The following CLEC12A variants were observed in gnomAD, a reference collection of about 807,000 sequenced individuals.
CLEC12A encodes C-type lectin protein CLL-1.
A neutral mutation model predicts 26.5 loss-of-function variants in CLEC12A; 22 were observed. The observed-to-expected ratio is 0.83, with a 90% CI of 0.59 to 1.19. The LOEUF (loss-of-function observed/expected upper bound fraction) is 1.19, where lower values mean the gene tolerates loss of function less well. CLEC12A is among the 50% of genes most tolerant of loss of function. The probability of loss-of-function intolerance (pLI) is 0.00; values close to 1 mark genes in which losing one functional copy is unlikely to be tolerated. For missense variants in CLEC12A, 353 were observed against 315.6 expected (o/e 1.12, Z -0.90); for synonymous variants, 119 against 101.9 (o/e 1.17, Z -1.01).
intron 5 of CLEC12A, chr12:9,983,745 G>T: frequency 2.1e-6 from 1 of 471,012 alleles, no homozygotes; most frequent in Non-Finnish European, 3.8e-6. Context: ...TGTTTTGTTT[G>T]TTTGCTTTTT....
chr12:9,967,392 T>A (rs756190530), upstream of CLEC12A, among the ~76,000 whole-genome samples: 9 of 152,238 alleles, frequency 5.9e-5, no homozygotes, highest in Middle Eastern at 3.4e-3. Context: ...AAAGTGACAT[T>A]TTCTGGCTAT....
chr12:9,995,208 G>C, exon 5 of CLEC12A: 3 of 1,612,932 alleles, frequency 1.9e-6, no homozygotes, highest in African/African-American at 1.3e-5. Context: ...GAGATAATCC[G>C]ACCCAACGAA....
At chr12:9,969,111 G>A (rs573331291), upstream of CLEC12A, among the ~76,000 whole-genome samples, 105 of 152,242 alleles carry the variant, frequency 6.9e-4, no homozygotes, top group Non-Finnish European at 1.2e-3. Flanking sequence ...GGTGGTGGGG[G>A]ATAAAGATAA....
the CLEC12A span, among the ~76,000 whole-genome samples, chr12:10,005,972 G>A: frequency 6.6e-6 from 1 of 152,084 alleles, no homozygotes; most frequent in Admixed American, 6.5e-5. Context: ...CATGAAATGT[G>A]AGAACAGAAA....
chr12:9,993,809 C>A (rs1864959371), intron 4 of CLEC12A, among the ~76,000 whole-genome samples: 1 of 152,092 alleles, frequency 6.6e-6, no homozygotes. Flanking sequence ...AGTTATATTT[C>A]TTTCTTTCTA....
At chr12:9,968,892 A>G (rs1232996034), upstream of CLEC12A, among the ~76,000 whole-genome samples, 2 of 152,228 alleles carry the variant, frequency 1.3e-5, no homozygotes, top group Non-Finnish European at 2.9e-5. Flanking sequence ...TATAGTATAT[A>G]TACACAATGG....
At chr12:9,999,256 T>C (rs140809818), downstream of CLEC12A, 71 of 519,272 alleles carry the variant, frequency 1.4e-4, no homozygotes, top group East Asian at 2.1e-3. Context: ...CTTTGCTTAT[T>C]GTTTTCCAGG....
In CLEC12A at chr12:9,979,337, T is replaced by G. The variant is rs1864459763; in HGVS notation, c.192T>G (p.Phe64Leu). 6.3e-7 allele frequency: 1 copy of G among 1,579,154 alleles called. No individual in the cohort carries two copies. Among genetic ancestry groups the G allele is most frequent in the African/African-American group, 1.4e-5 (1 of 73,632 alleles). The change falls in exon 3 of 6, where the codon TTT (phenylalanine) becomes TTG (leucine). Residue 64 changes from phenylalanine to leucine, a missense_variant and splice_region_variant. Physicochemically the swap from Phe to Leu is conservative, Grantham distance 22 (BLOSUM62 0). Coordinates refer to ENST00000304361, the MANE Select transcript of CLEC12A (RefSeq NM_138337.6). ...LIGLGVLASM[F>L]HVTLKIEMKK... is the part of the protein sequence containing the mutation. ...TTTTGTCATTTTTTTAATGTGGAGT[T>G]CACGTAACTTTGAAGATAGAAATGA... is the stretch of plus-strand genomic sequence containing the variant.
At chr12:10,000,310 T>A (rs1865143669), downstream of CLEC12A, among the ~76,000 whole-genome samples, 1 of 152,240 alleles carries the variant, frequency 6.6e-6, no homozygotes, top group Admixed American at 6.5e-5. Context: ...CCCTGCTATC[T>A]CCTTCACTCT....
downstream of CLEC12A, among the ~76,000 whole-genome samples, chr12:9,986,487 TTATTATACTTGGCC>T (rs1385635512): frequency 4.8e-5 from 7 of 146,872 alleles, no homozygotes; most frequent in African/African-American, 1.5e-4. Context: ...AGTTTTCGGC[TTATTATACTTGGCC>T]TGGTAATTTT....
At chr12:9,988,477 C>T (rs1001046687), downstream of CLEC12A, among the ~76,000 whole-genome samples, 2 of 152,080 alleles carry the variant, frequency 1.3e-5, no homozygotes, top group Non-Finnish European at 2.9e-5. Context: ...TGACAAAGGG[C>T]TAATATCCAG....
At chr12:9,979,969 T>A (rs554379418) in intron 3 of CLEC12A, among the ~76,000 whole-genome samples, 2 of 152,326 alleles carry the variant, frequency 1.3e-5, no homozygotes, top group East Asian at 3.9e-4. Flanking sequence ...AGTGTCTCCA[T>A]AAGTTTCTAT....
At chr12:10,003,669 G>A in the CLEC12A span, among the ~76,000 whole-genome samples, 25 of 152,258 alleles carry the variant, frequency 1.6e-4, no homozygotes, top group African/African-American at 6.0e-4. Context: ...ATCCCAACAC[G>A]TTGGGAGGCC....
intron 2 of CLEC12A, 59 bp downstream of exon 2, chr12:9,979,123 A>G (rs1864452177): frequency 1.4e-6 from 2 of 1,386,716 alleles, no homozygotes; most frequent in Admixed American, 3.4e-5. Flanking sequence ...ATATTTAGCA[A>G]CAAAAGTTTA....
chr12:9,987,456 T>C (rs1043690364), downstream of CLEC12A, among the ~76,000 whole-genome samples: 3 of 152,200 alleles, frequency 2.0e-5, no homozygotes, highest in Non-Finnish European at 4.4e-5. Flanking sequence ...GTGCCACAAA[T>C]GCCACAAATG....
In CLEC12A at chr12:9,980,671, A is replaced by C; in HGVS notation, c.469A>C (p.Ser157Arg). 2.5e-6 allele frequency: 4 copies of C among 1,613,900 alleles called. No individual in the cohort carries two copies. Among genetic ancestry groups the C allele is most frequent in the Non-Finnish European group, 3.4e-6 (4 of 1,179,880 alleles). The change falls in exon 4 of 6, where the codon AGT (serine) becomes CGT (arginine). Residue 157 changes from serine (S) to arginine (R), a missense_variant. By Grantham distance (110) the Ser-to-Arg change is moderately radical. Coordinates refer to ENST00000304361, the MANE Select transcript of CLEC12A (RefSeq NM_138337.6). ...LSDDVQTWQE[S>R]KMACAAQNAS... ...TGATGATGTCCAAACATGGCAGGAG[A>C]GTAAAATGGCCTGTGCTGCTCAGAA...
At chr12:10,002,086 T>G in the CLEC12A span, among the ~76,000 whole-genome samples, 1 of 152,040 alleles carries the variant, frequency 6.6e-6, no homozygotes, top group Non-Finnish European at 1.5e-5. Context: ...TTTCACCGTG[T>G]TAGTCAGGAT....
intron 4 of CLEC12A, chr12:9,994,975 G>A (rs1053798354): frequency 6.6e-7 from 1 of 1,509,084 alleles, no homozygotes; most frequent in African/African-American, 1.4e-5. Context: ...GGGAGAGAGG[G>A]GAAAGAATTG....
At chr12:9,963,727 G>T (rs1863878402) in intron 1 of CLEC12A, among the ~76,000 whole-genome samples, 2 of 152,152 alleles carry the variant, frequency 1.3e-5, no homozygotes, top group Non-Finnish European at 2.9e-5. Context: ...GATCCACAGA[G>T]GAAGAAGAGA....
Sources: allele counts gnomAD v4.1 joint callset (sites outside exome capture counted in the v4.1 genomes callset), GRCh38; gene constraint gnomAD v4.1.1; transcripts MANE v1.5; gene names NCBI Gene and HGNC (gene_info 2026-07-23, HGNC 2026-07-21).